The following SRGN variants were observed in gnomAD, a reference collection of about 807,000 sequenced individuals.
SRGN encodes serglycin.
In SRGN, 2 loss-of-function variants were observed where a neutral mutation model predicts 9.5. The ratio of observed to expected loss-of-function variants is 0.21; its 90% CI spans 0.09 to 0.66. SRGN has a LOEUF of 0.66. SRGN is among the 30% of genes least tolerant of loss of function. SRGN has a pLI of 0.83. For missense variants in SRGN, 170 were observed against 192.4 expected (o/e 0.88, Z 0.69); for synonymous variants, 59 against 72.3 (o/e 0.82, Z 0.93).
Position 69,097,065 on chromosome 10 carries a change from A to G in SRGN, c.80-19A>G, listed in dbSNP as rs112967015. ...GCTGTGTAGTAGATACTTAGTAACAATGTGGGTTCCTCGGGCAGGTTATCC... is the reference window on the plus strand; with the variant it reads ...GCTGTGTAGTAGATACTTAGTAACAGTGTGGGTTCCTCGGGCAGGTTATCC... On this transcript the variant is annotated intron_variant, in intron 1 of 2. Coordinates refer to ENST00000242465, the MANE Select transcript of SRGN (RefSeq NM_002727.4). The G allele has an allele frequency of 5.6e-6, 9 of 1,612,220 alleles. No individual in the cohort carries two copies. In the African/African-American group the frequency reaches 8.0e-5, roughly 14 times the overall value.
intron 2 of SRGN, among the ~76,000 whole-genome samples, chr10:69,101,804 C>T (rs1015716658): frequency 2.6e-5 from 4 of 152,092 alleles, no homozygotes; most frequent in African/African-American, 4.8e-5. Flanking sequence ...CCCAGCACTT[C>T]GGGAGGCCAA....
chr10:69,096,010 C>T (rs1054417840), intron 1 of SRGN, among the ~76,000 whole-genome samples: 1 of 152,160 alleles, frequency 6.6e-6, no homozygotes, highest in Non-Finnish European at 1.5e-5. Context: ...TCAGAAGAAG[C>T]TGAGACTCAG....
chr10:69,100,481 A>G (rs974716884), intron 2 of SRGN, among the ~76,000 whole-genome samples: 11 of 152,218 alleles, frequency 7.2e-5, no homozygotes, highest in African/African-American at 2.4e-4. Flanking sequence ...GAATAGCTCA[A>G]ATTCTCCAAA....
At chr10:69,102,720 A>G (rs570892987) in intron 2 of SRGN, among the ~76,000 whole-genome samples, 16 of 151,978 alleles carry the variant, frequency 1.1e-4, no homozygotes, top group Non-Finnish European at 2.9e-5. Context: ...ACCTTTCAGC[A>G]CTCTTCAGCT....
chr10:69,089,436 C>G (rs957058698), intron 1 of SRGN, among the ~76,000 whole-genome samples: 1 of 152,186 alleles, frequency 6.6e-6, no homozygotes, highest in Non-Finnish European at 1.5e-5. Context: ...GAGGCCCATA[C>G]TTTAGTACAG....
chr10:69,102,418 C>A (rs1287264469), intron 2 of SRGN, among the ~76,000 whole-genome samples: 1 of 152,206 alleles, frequency 6.6e-6, no homozygotes, highest in South Asian at 2.1e-4. Flanking sequence ...AAAATAAAAA[C>A]TTCTTGAGAA....
At chr10:69,097,263 ATTAC>A in intron 2 of SRGN, 32 bp downstream of exon 2, 1 of 1,561,902 alleles carries the variant, frequency 6.4e-7, no homozygotes, top group South Asian at 1.1e-5. Context: ...TAATTAATTA[ATTAC>A]TTATTTATTT....
chr10:69,090,806 T>C (rs1171876496), intron 1 of SRGN, among the ~76,000 whole-genome samples: 1 of 152,142 alleles, frequency 6.6e-6, no homozygotes, highest in Non-Finnish European at 1.5e-5. Flanking sequence ...AATGGAAATT[T>C]GGGGATGTGT....
At chr10:69,101,353 G>A (rs1247331021) in intron 2 of SRGN, among the ~76,000 whole-genome samples, 1 of 152,128 alleles carries the variant, frequency 6.6e-6, no homozygotes, top group African/African-American at 2.4e-5. Flanking sequence ...CCTGTATGAG[G>A]AATTCCCTCT....
intron 1 of SRGN, among the ~76,000 whole-genome samples, chr10:69,091,394 C>CT (rs1840048497): frequency 1.3e-5 from 2 of 152,110 alleles, no homozygotes; most frequent in African/African-American, 4.8e-5. Context: ...AACTTAGGAG[C>CT]TTTTTATAGC....
chr10:69,089,146 G>A (rs17473271), intron 1 of SRGN, among the ~76,000 whole-genome samples: 28,594 of 152,090 alleles, frequency 0.19, 3,307 homozygotes, highest in Non-Finnish European at 0.25. Context: ...AGCGACTTTT[G>A]GTTGTCATGA....
intron 2 of SRGN, chr10:69,098,626 T>G (rs1840227991): frequency 6.6e-6 from 1 of 151,746 alleles, no homozygotes; most frequent in African/African-American, 2.4e-5. Flanking sequence ...CAAATACATT[T>G]TTTATATTAA....
chr10:69,095,941 T>C (rs1304298172), intron 1 of SRGN, among the ~76,000 whole-genome samples: 1 of 107,220 alleles, frequency 9.3e-6, no homozygotes, highest in African/African-American at 2.8e-5. Context: ...AATACATAAA[T>C]AAATCTCCTA....
At chr10:69,094,779 T>C (rs1424365571) in intron 1 of SRGN, among the ~76,000 whole-genome samples, 1 of 151,810 alleles carries the variant, frequency 6.6e-6, no homozygotes, top group African/African-American at 2.4e-5. Context: ...TTTTCTCTTT[T>C]TTGGTAGAAA....
intron 2 of SRGN, among the ~76,000 whole-genome samples, chr10:69,100,330 CAAG>C (rs1840264039): frequency 6.6e-6 from 1 of 152,086 alleles, no homozygotes; most frequent in Non-Finnish European, 1.5e-5. Flanking sequence ...CCTGAGAGGT[CAAG>C]GCTGAAGTGA....
intron 1 of SRGN, among the ~76,000 whole-genome samples, chr10:69,090,183 A>G (rs896286307): frequency 2.6e-5 from 4 of 152,204 alleles, no homozygotes; most frequent in Non-Finnish European, 5.9e-5. Flanking sequence ...CTGCGGCACA[A>G]GGCTGTGATG....
At chr10:69,101,910 G>A (rs778109778) in intron 2 of SRGN, among the ~76,000 whole-genome samples, 8 of 152,176 alleles carry the variant, frequency 5.3e-5, no homozygotes, top group Admixed American at 1.3e-4. Flanking sequence ...TTAGCCGGGC[G>A]TTGTGACTCA....
At chr10:69,097,268 T>G in intron 2 of SRGN, 37 bp downstream of exon 2, 3 of 1,532,226 alleles carry the variant, frequency 2.0e-6, no homozygotes, top group Non-Finnish European at 2.7e-6. Context: ...AATTAATTAC[T>G]TATTTATTTG....
intron 1 of SRGN, among the ~76,000 whole-genome samples, chr10:69,090,902 C>A (rs1370685182): frequency 6.6e-6 from 1 of 152,052 alleles, no homozygotes; most frequent in Non-Finnish European, 1.5e-5. Flanking sequence ...ACTTTTATTG[C>A]CTCTCTTTTC....
Sources: allele counts gnomAD v4.1 joint callset (sites outside exome capture counted in the v4.1 genomes callset), GRCh38; gene constraint gnomAD v4.1.1; transcripts MANE v1.5; gene names NCBI Gene and HGNC (gene_info 2026-07-23, HGNC 2026-07-21).